TMEM120B: variants seen among roughly 807,000 people sequenced by gnomAD.
The protein encoded by TMEM120B is transmembrane protein 120B.
Under a neutral mutation model 55.5 loss-of-function variants are expected in TMEM120B, and 31 were observed. That is an observed-to-expected ratio of 0.56 (90% CI 0.42 to 0.75). TMEM120B has a LOEUF of 0.75. Among genes scored for constraint, TMEM120B ranks in the 30% least tolerant of loss-of-function variants. TMEM120B has a pLI of 0.00. For synonymous variants in TMEM120B, 203 were observed against 176.3 expected (o/e 1.15, Z -1.20); for missense variants, 399 against 425.5 (o/e 0.94, Z 0.55).
chr12:121,773,584 G>A, intron 9 of TMEM120B, 71 bp downstream of exon 9: 1 of 1,210,142 alleles, frequency 8.3e-7, no homozygotes. Context: ...CGGGAGTGCA[G>A]CCCTGCGAGC....
At chr12:121,769,064 T>C (rs1873938966) in intron 6 of TMEM120B, among the ~76,000 whole-genome samples, 1 of 149,652 alleles carries the variant, frequency 6.7e-6, no homozygotes, top group African/African-American at 2.5e-5. Context: ...GAGAATTGCC[T>C]GAACCCAGGA....
chr12:121,758,995 TACAG>T, intron 5 of TMEM120B: 1 of 985,428 alleles, frequency 1.0e-6, no homozygotes, highest in Non-Finnish European at 1.2e-6. Context: ...CAGTTAGTGT[TACAG>T]ACAATATGGC....
chr12:121,762,873 C>G (rs1873724719), intron 6 of TMEM120B, among the ~76,000 whole-genome samples: 1 of 152,160 alleles, frequency 6.6e-6, no homozygotes, highest in South Asian at 2.1e-4. Flanking sequence ...TGACCCTGGG[C>G]AAGCCATGTA....
At chr12:121,753,219 A>C (rs538496798) in intron 5 of TMEM120B, among the ~76,000 whole-genome samples, 85 of 152,244 alleles carry the variant, frequency 5.6e-4, no homozygotes, top group African/African-American at 1.9e-3. Flanking sequence ...AAAAAGATAC[A>C]CAGTAGGATT....
At chr12:121,737,289 A>G (rs1872777198) in intron 1 of TMEM120B, among the ~76,000 whole-genome samples, 1 of 151,832 alleles carries the variant, frequency 6.6e-6, no homozygotes, top group South Asian at 2.1e-4. Context: ...CGGATTACCC[A>G]AGGTCATGAG....
At chr12:121,767,831 G>A (rs1303345763) in intron 6 of TMEM120B, among the ~76,000 whole-genome samples, 5 of 152,184 alleles carry the variant, frequency 3.3e-5, no homozygotes, top group Non-Finnish European at 7.3e-5. Flanking sequence ...TGGGCACGGC[G>A]AGCTGTGAAA....
At chr12:121,728,984 T>C (rs1894947866) in intron 1 of TMEM120B, among the ~76,000 whole-genome samples, 2 of 152,238 alleles carry the variant, frequency 1.3e-5, no homozygotes, top group African/African-American at 4.8e-5. Flanking sequence ...CTGAATTACC[T>C]GCTGGGTTGG....
intron 1 of TMEM120B, among the ~76,000 whole-genome samples, chr12:121,719,969 G>A (rs1192765228): frequency 6.6e-6 from 1 of 152,124 alleles, no homozygotes; most frequent in Non-Finnish European, 1.5e-5. Flanking sequence ...CAGAGTGCTG[G>A]GATTATAGGC....
At chr12:121,756,641 A>G (rs1281065428) in intron 5 of TMEM120B, among the ~76,000 whole-genome samples, 1 of 152,190 alleles carries the variant, frequency 6.6e-6, no homozygotes. Flanking sequence ...TTCTCTCCCT[A>G]AACTGGGAGA....
chr12:121,746,187 C>CA (rs1873076153), intron 2 of TMEM120B, among the ~76,000 whole-genome samples: 1 of 148,782 alleles, frequency 6.7e-6, no homozygotes, highest in African/African-American at 2.5e-5. Context: ...AACCGCCCCC[C>CA]CACTTTTTTT....
intron 1 of TMEM120B, among the ~76,000 whole-genome samples, chr12:121,725,978 A>G (rs1306208082): frequency 6.7e-6 from 1 of 150,218 alleles, no homozygotes; most frequent in Non-Finnish European, 1.5e-5. Flanking sequence ...CGGAGGTTGC[A>G]GTAAGCAGAG....
At chr12:121,773,562 A>G (rs1385457464) in intron 9 of TMEM120B, 49 bp downstream of exon 9, 1 of 1,407,318 alleles carries the variant, frequency 7.1e-7, no homozygotes, top group African/African-American at 1.5e-5. Context: ...TGGACCTGCC[A>G]GCTCCCCACA....
At chr12:121,773,325 G>A in intron 8 of TMEM120B, 96 bp from the exon 9 acceptor site, 11 of 1,156,834 alleles carry the variant, frequency 9.5e-6, no homozygotes, top group Non-Finnish European at 1.4e-5. Context: ...CTTCTGCCCA[G>A]TAAAGACCCA....
At chr12:121,723,272 A>G (rs949462521) in intron 1 of TMEM120B, among the ~76,000 whole-genome samples, 2 of 152,102 alleles carry the variant, frequency 1.3e-5, no homozygotes, top group Non-Finnish European at 2.9e-5. Context: ...GGCTCAAGCT[A>G]TCTTCCCACC....
intron 1 of TMEM120B, among the ~76,000 whole-genome samples, chr12:121,735,969 G>A (rs1895102376): frequency 6.6e-6 from 1 of 151,648 alleles, no homozygotes; most frequent in South Asian, 2.1e-4. Flanking sequence ...GGATTACAGT[G>A]CGCCTGGCCA....
At position 121,779,842 on chromosome 12, in the gene TMEM120B, A is replaced by G; in HGVS notation, c.*4120A>G. On this transcript the variant is annotated 3_prime_UTR_variant, in exon 12 of 12. Transcript: ENST00000449592. The stretch of plus-strand genomic sequence containing the variant: ...TGTGGGTGGAATGGAGGGCCAGGGC[A>G]GTGCAGCCCGCAGGTTGGAAGAAGC... The G allele has an allele frequency of 1.6e-6, 1 of 644,714 alleles. No homozygotes were observed. Among genetic ancestry groups the G allele is most frequent in the Non-Finnish European group, 2.6e-6 (1 of 380,476 alleles). 39.9% of individuals were successfully genotyped at this position (644,714 alleles called of 1,614,324 possible).
At chr12:121,761,571 G>A in intron 5 of TMEM120B, 78 bp from the exon 6 acceptor site, 2 of 1,116,072 alleles carry the variant, frequency 1.8e-6, no homozygotes, top group Non-Finnish European at 2.7e-6. Context: ...CTGGTTTGCT[G>A]CTCTGTGAGG....
intron 1 of TMEM120B, among the ~76,000 whole-genome samples, chr12:121,729,562 T>C (rs1019212651): frequency 6.6e-6 from 1 of 151,752 alleles, no homozygotes; most frequent in African/African-American, 2.4e-5. Context: ...TCCCAGCACT[T>C]TGGGAGGCTG....
rs376838146 is a variant in TMEM120B, at chr12:121,775,852, A to G, written c.*130A>G. On this transcript the variant is annotated 3_prime_UTR_variant, in exon 12 of 12. Coordinates refer to ENST00000449592, the MANE Select transcript of TMEM120B (RefSeq NM_001080825.2). The surrounding 1 kb of genome is among the most constrained non-coding windows in gnomAD (Gnocchi z 4.3). ...AGGCCCTGGTCCCCCAGTGGACCCC[A>G]GTGGTCTAGAGGAATGTGAGCCCCG... 707 of 935,164 alleles carry G rather than the reference A, an allele frequency of 7.6e-4. 14 individuals carry two copies. In the South Asian group the frequency reaches 9.2e-3, roughly 12 times the overall value. 57.9% of individuals were successfully genotyped at this position (935,164 alleles called of 1,614,324 possible).
Sources: allele counts gnomAD v4.1 joint callset (sites outside exome capture counted in the v4.1 genomes callset), GRCh38; gene constraint gnomAD v4.1.1; non-coding constraint Gnocchi (gnomAD v3.1); transcripts MANE v1.5; gene names NCBI Gene and HGNC (gene_info 2026-07-23, HGNC 2026-07-21).